Variants in ZNF407 observed in about 807,000 individuals in gnomAD.
ZNF407 encodes zinc finger protein 407.
Under a neutral mutation model 131.2 loss-of-function variants are expected in ZNF407, and 17 were observed. The ratio of observed to expected loss-of-function variants is 0.13; its 90% CI spans 0.09 to 0.19. ZNF407 has a LOEUF of 0.19. ZNF407 is among the 10% of genes least tolerant of loss of function. The probability of loss-of-function intolerance (pLI) is 1.00; values close to 1 mark genes in which losing one functional copy is unlikely to be tolerated. For synonymous variants in ZNF407, 1,156 were observed against 1,062.0 expected (o/e 1.09, Z -1.72); for missense variants, 2,681 against 2,830.6 (o/e 0.95, Z 1.20).
chr18:74,763,631 T>C (rs1273296239), intron 3 of ZNF407, among the ~76,000 whole-genome samples: 1 of 151,670 alleles, frequency 6.6e-6, no homozygotes, highest in Non-Finnish European at 1.5e-5. Flanking sequence ...AAAATGAAGG[T>C]AGTTAACATT....
Position 74,842,454 on chromosome 18 carries a change from T to C in ZNF407, c.4878-34743T>C, listed in dbSNP as rs1354223267. On this transcript the variant is annotated intron_variant, in intron 4 of 8. Coordinates refer to ENST00000299687, the MANE Select transcript of ZNF407 (RefSeq NM_017757.3). ...TGTTTAAATCTTTTTAATAATGATTTATGACACTTAATGGAGTAACAATAT... is the reference window on the plus strand; with the variant it reads ...TGTTTAAATCTTTTTAATAATGATTCATGACACTTAATGGAGTAACAATAT... Among the ~76,000 whole-genome samples the C allele has an allele frequency of 4.6e-5, 7 of 152,346 alleles. No homozygotes were observed. The East Asian group carries it at 1.3e-3, about 29-fold the overall frequency.
intron 4 of ZNF407, among the ~76,000 whole-genome samples, chr18:74,867,990 ACTTTT>A (rs1234409973): frequency 1.3e-5 from 2 of 152,190 alleles, no homozygotes; most frequent in African/African-American, 2.4e-5. Context: ...TTTTATTTAT[ACTTTT>A]CTTTTTTCTG....
At chr18:74,612,923 G>A (rs748133521) in intron 1 of ZNF407, among the ~76,000 whole-genome samples, 13 of 152,142 alleles carry the variant, frequency 8.5e-5, no homozygotes, top group African/African-American at 3.1e-4. Context: ...GGCAGAAATG[G>A]GAGTGTGGAA....
At chr18:74,927,755 G>A (rs979430675) in intron 8 of ZNF407, among the ~76,000 whole-genome samples, 2 of 152,174 alleles carry the variant, frequency 1.3e-5, no homozygotes, top group African/African-American at 4.8e-5. Context: ...AGAAGGAAAA[G>A]ACTAATGATT....
At chr18:74,600,193 A>G (rs532998889) in intron 1 of ZNF407, among the ~76,000 whole-genome samples, 2 of 152,338 alleles carry the variant, frequency 1.3e-5, no homozygotes, top group East Asian at 1.9e-4. Flanking sequence ...ACTTAAGCAG[A>G]AAAGGAATTT....
chr18:74,723,618 C>G (rs1456339106), intron 3 of ZNF407, among the ~76,000 whole-genome samples: 1 of 152,130 alleles, frequency 6.6e-6, no homozygotes, highest in East Asian at 1.9e-4. Flanking sequence ...TCCTTTGGCT[C>G]TCCTTTATGG....
intron 7 of ZNF407, among the ~76,000 whole-genome samples, chr18:74,908,102 G>A (rs1047641564): frequency 5.3e-5 from 8 of 152,016 alleles, no homozygotes; most frequent in African/African-American, 1.2e-4. Context: ...TTTGGAATCC[G>A]TATTAATCAC....
At chr18:74,782,863 A>G (rs560880889) in intron 4 of ZNF407, among the ~76,000 whole-genome samples, 92 of 152,190 alleles carry the variant, frequency 6.0e-4, no homozygotes, top group African/African-American at 2.1e-3. Flanking sequence ...TCGTGATCCC[A>G]AAGTGCTGGG....
chr18:75,029,683 T>C (rs1217642355), intron 8 of ZNF407, among the ~76,000 whole-genome samples: 1 of 152,256 alleles, frequency 6.6e-6, no homozygotes, highest in Non-Finnish European at 1.5e-5. Flanking sequence ...AAGTGCTTCG[T>C]TTCTTCAGCT....
At chr18:74,933,999 G>A (rs922374452) in intron 8 of ZNF407, among the ~76,000 whole-genome samples, 17 of 151,886 alleles carry the variant, frequency 1.1e-4, no homozygotes, top group African/African-American at 4.1e-4. Flanking sequence ...TTTTACTGCA[G>A]CAGAATATAC....
At position 74,644,694 on chromosome 18, in the gene ZNF407, T is replaced by C. The variant is rs150039958; in HGVS notation, c.4802+3572T>C. Among the ~76,000 whole-genome samples, 562 of 152,072 alleles carry C rather than the reference T, an allele frequency of 3.7e-3. 4 individuals carry two copies. The highest frequency in any genetic ancestry group is 0.013 in the African/African-American group (520 of 41,550). On this transcript the variant is annotated intron_variant, in intron 3 of 8. Coordinates refer to ENST00000299687, the MANE Select transcript of ZNF407 (RefSeq NM_017757.3). The stretch of plus-strand genomic sequence containing the variant: ...ATAGCTTTGTGGATTGCTTACCTTA[T>C]CCTTCTTATCCCCATTTTACTGATG...
intron 3 of ZNF407, among the ~76,000 whole-genome samples, chr18:74,680,734 T>G (rs1417259187): frequency 6.6e-6 from 1 of 152,166 alleles, no homozygotes; most frequent in African/African-American, 2.4e-5. Context: ...CTGTATCTCT[T>G]AGTGTTTACC....
At chr18:74,882,708 C>T (rs1971254910) in intron 6 of ZNF407, among the ~76,000 whole-genome samples, 2 of 152,060 alleles carry the variant, frequency 1.3e-5, no homozygotes, top group African/African-American at 4.8e-5. Context: ...GTATAGAAGC[C>T]ACCTGTGCAT....
At chr18:74,614,442 G>A (rs570178907) in intron 1 of ZNF407, among the ~76,000 whole-genome samples, 7 of 152,286 alleles carry the variant, frequency 4.6e-5, no homozygotes, top group African/African-American at 1.7e-4. Flanking sequence ...GCCGTATTAC[G>A]TACAGTGCAT....
At chr18:75,012,142 A>C (rs1243869623) in intron 8 of ZNF407, among the ~76,000 whole-genome samples, 1 of 152,132 alleles carries the variant, frequency 6.6e-6, no homozygotes, top group Non-Finnish European at 1.5e-5. Flanking sequence ...ACATTGTAGA[A>C]TGTATCGTCA....
At chr18:74,998,667 A>C (rs573027779) in intron 8 of ZNF407, among the ~76,000 whole-genome samples, 1 of 140,942 alleles carries the variant, frequency 7.1e-6, no homozygotes, top group South Asian at 2.5e-4. Context: ...CACACCAGTT[A>C]GAATGGCAAT....
intron 3 of ZNF407, among the ~76,000 whole-genome samples, chr18:74,710,274 C>A (rs1967727025): frequency 1.3e-5 from 2 of 152,062 alleles, no homozygotes; most frequent in South Asian, 4.1e-4. Flanking sequence ...GAAATGAAAA[C>A]CTCTCTAGTG....
chr18:74,799,903 C>CT (rs35021931), intron 4 of ZNF407, among the ~76,000 whole-genome samples: 29,088 of 131,344 alleles, frequency 0.22, 3,337 homozygotes, highest in African/African-American at 0.27. Context: ...AAAAAAAATC[C>CT]TTTTTTTTTT....
intron 3 of ZNF407, among the ~76,000 whole-genome samples, chr18:74,738,072 C>T (rs183745908): frequency 1.6e-3 from 244 of 152,122 alleles, no homozygotes; most frequent in African/African-American, 5.5e-3. Context: ...AAATACTGTA[C>T]TGTGGTAATC....
Sources: gnomAD v4.1 joint callset for allele counts (sites outside exome capture counted in the v4.1 genomes callset) on GRCh38, gnomAD v4.1.1 for gene constraint, MANE v1.5 for transcripts, NCBI Gene and HGNC (gene_info 2026-07-23, HGNC 2026-07-21) for gene names.